The following RCBTB1 variants were observed in gnomAD, a reference collection of about 807,000 sequenced individuals.
The protein encoded by RCBTB1 is RCC1 and BTB domain containing protein 1.
RCBTB1 carries 46 observed loss-of-function variants against 62.4 expected under a neutral mutation model. The ratio of observed to expected loss-of-function variants is 0.74; its 90% CI spans 0.58 to 0.94. RCBTB1 has a LOEUF of 0.94. Among genes scored for constraint, RCBTB1 ranks in the 40% least tolerant of loss-of-function variants. The probability of loss-of-function intolerance (pLI) is 0.00; values close to 1 mark genes in which losing one functional copy is unlikely to be tolerated. For missense variants in RCBTB1, 565 were observed against 654.9 expected, an observed-to-expected ratio of 0.86 and a Z score of 1.50; for synonymous variants, 222 against 245.8, an observed-to-expected ratio of 0.90 and a Z score of 0.91.
intron 2 of RCBTB1, among the ~76,000 whole-genome samples, chr13:49,578,324 A>G (rs1045908771): frequency 3.3e-5 from 5 of 152,212 alleles, no homozygotes; most frequent in African/African-American, 1.2e-4. Flanking sequence ...AATACTCTAC[A>G]TGTTCAGTAC....
intron 9 of RCBTB1, 111 bp downstream of exon 9, chr13:49,549,347 T>A (rs563783693): frequency 2.0e-6 from 2 of 992,218 alleles, no homozygotes; most frequent in South Asian, 3.6e-5. Context: ...GTATGAAAGC[T>A]AATAGAGAAT....
rs41284796 is a variant in RCBTB1, at chr13:49,549,615, G to A, written c.888C>T (p.His296=). Residue 296 remains histidine (H), a synonymous_variant, in exon 9 of 13, where the codon CAC becomes CAT. Transcript: ENST00000378302. ...CACCCTGCGTCTTGGCTGCAGACGT[G>A]TGGGCAGAGTGACAGGCTGCAATCT... ...VVEIAACHSA[H]TSAAKTQGGH... is the part of the protein sequence containing the mutation. 5.7e-4 allele frequency: 918 copies of A among 1,613,034 alleles called. 2 individuals carry two copies. The highest frequency in any genetic ancestry group is 7.3e-4 in the Non-Finnish European group (865 of 1,179,454).
chr13:49,562,776 C>CCTTTTTTTTTTTTTTTTTTTT (rs1566249913), intron 4 of RCBTB1, among the ~76,000 whole-genome samples: 2 of 61,344 alleles, frequency 3.3e-5, no homozygotes, highest in Admixed American at 2.7e-4. Context: ...CCATCCCCGG[C>CCTTTTTTTTTTTTTTTTTTTT]TTTTTTTTTT....
At chr13:49,554,694 C>A (rs1342059826) in intron 6 of RCBTB1, among the ~76,000 whole-genome samples, 1 of 152,160 alleles carries the variant, frequency 6.6e-6, no homozygotes, top group African/African-American at 2.4e-5. Flanking sequence ...CACAACAAGG[C>A]ATCTAGGCTG....
intron 12 of RCBTB1, among the ~76,000 whole-genome samples, chr13:49,540,461 G>A (rs559434375): frequency 2.6e-5 from 4 of 152,308 alleles, no homozygotes; most frequent in South Asian, 2.1e-4. Context: ...ATTGCAGAGC[G>A]TACACAGATA....
intron 12 of RCBTB1, among the ~76,000 whole-genome samples, chr13:49,537,131 G>A (rs1960002394): frequency 6.6e-6 from 1 of 152,134 alleles, no homozygotes; most frequent in Non-Finnish European, 1.5e-5. Context: ...AGGGTGAGCA[G>A]GTGCCTCGGC....
At position 49,567,223 on chromosome 13, in the gene RCBTB1, CG is replaced by C. The variant is rs764683766; in HGVS notation, c.56del (p.Ala19GlyfsTer30). On this transcript the variant is annotated frameshift_variant, in exon 3 of 13. Coordinates refer to ENST00000378302, the MANE Select transcript of RCBTB1 (RefSeq NM_018191.4). LOFTEE classifies it high-confidence loss of function. ...CGAAGACACACGCCTTCCGAATAGA[CG>C]CGATCTCTTGAGGGGAGAGTAGAGT... The part of the protein sequence containing the change: ...IFTLLSPQEI[A>X]SIRKACVFGT... 1.9e-6 allele frequency: 3 copies of C among 1,614,048 alleles called. No homozygotes were observed. Among genetic ancestry groups the C allele is most frequent in the Non-Finnish European group, 2.5e-6 (3 of 1,179,958 alleles).
chr13:49,548,103 A>G (rs1339508800), intron 9 of RCBTB1, among the ~76,000 whole-genome samples: 1 of 151,996 alleles, frequency 6.6e-6, no homozygotes. Flanking sequence ...TTGAAAGTTC[A>G]TTTTTGGACC....
chr13:49,543,569 A>G (rs1380351813), intron 10 of RCBTB1, among the ~76,000 whole-genome samples: 1 of 152,264 alleles, frequency 6.6e-6, no homozygotes, highest in South Asian at 2.1e-4. Context: ...TAAATTTCCA[A>G]AAAGACTTGT....
At chr13:49,547,263 G>A in intron 9 of RCBTB1, 6 of 1,041,068 alleles carry the variant, frequency 5.8e-6, no homozygotes, top group Non-Finnish European at 7.7e-6. Context: ...TTTAAGGCAA[G>A]CTTAACTCTT....
At chr13:49,538,920 C>T (rs1295036749) in intron 12 of RCBTB1, among the ~76,000 whole-genome samples, 2 of 143,538 alleles carry the variant, frequency 1.4e-5, no homozygotes, top group Non-Finnish European at 1.5e-5. Context: ...GAGTCTTGCT[C>T]TGTTGCCCAG....
intron 12 of RCBTB1, among the ~76,000 whole-genome samples, chr13:49,538,943 T>A (rs1427294579): frequency 6.6e-6 from 1 of 150,770 alleles, no homozygotes; most frequent in Non-Finnish European, 1.5e-5. Flanking sequence ...TGGAGTGCAG[T>A]GGTACAACTT....
At chr13:49,584,953 A>C (rs73497213) in intron 1 of RCBTB1, among the ~76,000 whole-genome samples, 1 of 152,242 alleles carries the variant, frequency 6.6e-6, no homozygotes, top group African/African-American at 2.4e-5. Context: ...CACTAACAAA[A>C]TCCCTGCCTT....
intron 4 of RCBTB1, among the ~76,000 whole-genome samples, chr13:49,564,956 C>T (rs186125118): frequency 2.0e-4 from 30 of 152,168 alleles, no homozygotes; most frequent in South Asian, 6.2e-4. Flanking sequence ...CATTGCAGAA[C>T]AAAGACCAGT....
At position 49,549,593 on chromosome 13, in the gene RCBTB1, C is replaced by A. The variant is rs2139171241; in HGVS notation, c.910G>T (p.Gly304Cys). The change falls in exon 9 of 13, where the codon GGT becomes TGT. Residue 304 changes from glycine to cysteine, a missense_variant. Physicochemically the swap from Gly to Cys is radical, Grantham distance 159. Transcript: ENST00000378302. The part of the protein sequence containing the change: ...SAHTSAAKTQ[G>C]GHVYMWGQCR... ...TGGCCCCACATGTACACGTGCCCAC[C>A]CTGCGTCTTGGCTGCAGACGTGTGG... is the stretch of plus-strand genomic sequence containing the variant. The A allele has an allele frequency of 6.2e-7, 1 of 1,614,060 alleles. No homozygotes were observed. Among genetic ancestry groups the A allele is most frequent in the Non-Finnish European group, 8.5e-7 (1 of 1,179,968 alleles).
At chr13:49,582,263 G>C (rs1964146330) in intron 1 of RCBTB1, among the ~76,000 whole-genome samples, 1 of 152,128 alleles carries the variant, frequency 6.6e-6, no homozygotes, top group African/African-American at 2.4e-5. Flanking sequence ...GAGGCAGGTG[G>C]ATCATCTGAT....
At chr13:49,543,010 A>C (rs1960505389) in intron 10 of RCBTB1, among the ~76,000 whole-genome samples, 2 of 152,322 alleles carry the variant, frequency 1.3e-5, no homozygotes, top group African/African-American at 4.8e-5. Flanking sequence ...TAATTCCAGC[A>C]CTTTGGGAGG....
chr13:49,551,490 T>A (rs1961338957), intron 7 of RCBTB1, 22 bp from the exon 8 acceptor site: 3 of 1,613,138 alleles, frequency 1.9e-6, no homozygotes, highest in Non-Finnish European at 2.5e-6. Flanking sequence ...TTGAAACGGT[T>A]ACCATTAGCA....
At chr13:49,546,621 G>T (rs1406965480) in intron 9 of RCBTB1, among the ~76,000 whole-genome samples, 1 of 152,242 alleles carries the variant, frequency 6.6e-6, no homozygotes, top group Non-Finnish European at 1.5e-5. Context: ...GGCCCCATCT[G>T]GGGGTGATGG....
Sources: gnomAD v4.1 joint callset for allele counts (sites outside exome capture counted in the v4.1 genomes callset) on GRCh38, gnomAD v4.1.1 for gene constraint, MANE v1.5 for transcripts, NCBI Gene and HGNC (gene_info 2026-07-23, HGNC 2026-07-21) for gene names.